The following CAPS2 variants were observed in gnomAD, a reference collection of about 807,000 sequenced individuals.
The protein encoded by CAPS2 is calcyphosin-2.
Under a neutral mutation model 86.5 loss-of-function variants are expected in CAPS2, and 98 were observed. That is an observed-to-expected ratio of 1.13 (90% CI 0.96 to 1.34). The LOEUF is 1.34. Ranked by LOEUF, CAPS2 falls within the 40% of genes most tolerant of loss-of-function variation. CAPS2 has a pLI of 0.00. For synonymous variants in CAPS2, 210 were observed against 225.1 expected (o/e 0.93, Z 0.60); for missense variants, 729 against 686.8 (o/e 1.06, Z -0.69).
chr12:75,378,552 T>G (rs1039093831), intron 1 of CAPS2, among the ~76,000 whole-genome samples: 3 of 151,750 alleles, frequency 2.0e-5, no homozygotes, highest in East Asian at 3.9e-4. Flanking sequence ...TAAGTGAGAG[T>G]TGCTGTTGCA....
intron 1 of CAPS2, among the ~76,000 whole-genome samples, chr12:75,388,124 G>A (rs2045385775): frequency 6.6e-6 from 1 of 152,096 alleles, no homozygotes; most frequent in South Asian, 2.1e-4. Context: ...GGTTTTTCCC[G>A]TGCTGTTCTC....
intron 1 of CAPS2, among the ~76,000 whole-genome samples, chr12:75,382,639 C>A (rs1187971520): frequency 5.6e-5 from 8 of 143,132 alleles, no homozygotes; most frequent in African/African-American, 5.2e-5. Context: ...GACTCCATCT[C>A]AAAAAAAAAA....
At chr12:75,290,504 T>G (rs944761996) in intron 13 of CAPS2, among the ~76,000 whole-genome samples, 13 of 152,170 alleles carry the variant, frequency 8.5e-5, no homozygotes, top group African/African-American at 3.1e-4. Context: ...TATAATAAAC[T>G]GTTTACACAC....
At chr12:75,314,067 A>C (rs2039501916) in intron 6 of CAPS2, among the ~76,000 whole-genome samples, 1 of 151,988 alleles carries the variant, frequency 6.6e-6, no homozygotes, top group African/African-American at 2.4e-5. Flanking sequence ...CTACAGGTGT[A>C]TGCCACCACG....
In CAPS2 at chr12:75,292,622, C is replaced by A. The variant is rs931853361; in HGVS notation, c.1163+627G>T. On this transcript the variant is annotated intron_variant, in intron 12 of 16. Coordinates refer to ENST00000393284, the Ensembl canonical transcript of CAPS2. ...TATACATATTATATATGTATCTATACATATTATGTATGTATAGATCTATAC... is the reference window on the plus strand; with the variant it reads ...TATACATATTATATATGTATCTATAAATATTATGTATGTATAGATCTATAC... 5.5e-5 allele frequency among the ~76,000 whole-genome samples: 8 copies of A among 144,988 alleles called. No homozygotes were observed. The Admixed American group carries it at 5.6e-4, about 10-fold the overall frequency.
At chr12:75,301,238 T>C (rs2037778463) in intron 8 of CAPS2, among the ~76,000 whole-genome samples, 1 of 152,190 alleles carries the variant, frequency 6.6e-6, no homozygotes, top group Non-Finnish European at 1.5e-5. Context: ...GGCAGTAATG[T>C]AATTAGTAAG....
intron 16 of CAPS2, among the ~76,000 whole-genome samples, chr12:75,281,924 T>C (rs1467800966): frequency 6.6e-6 from 1 of 152,134 alleles, no homozygotes; most frequent in Non-Finnish European, 1.5e-5. Context: ...TATAAGCAGA[T>C]ACAGTAAAAA....
intron 1 of CAPS2, among the ~76,000 whole-genome samples, chr12:75,359,353 TTG>T (rs1565995152): frequency 6.9e-6 from 1 of 145,548 alleles, no homozygotes. Flanking sequence ...CTCAGCATTG[TTG>T]TCTTTTTTTT....
At chr12:75,378,274 A>T (rs529052453) in intron 1 of CAPS2, among the ~76,000 whole-genome samples, 6 of 152,326 alleles carry the variant, frequency 3.9e-5, no homozygotes, top group African/African-American at 1.4e-4. Flanking sequence ...TGCTGTGATT[A>T]TAGGCATGAG....
At chr12:75,367,263 A>T (rs1202085243) in intron 1 of CAPS2, among the ~76,000 whole-genome samples, 1 of 103,368 alleles carries the variant, frequency 9.7e-6, no homozygotes, top group African/African-American at 4.6e-5. Context: ...ACAACTTCCT[A>T]GGAGGAAAAA....
chr12:75,304,120 C>A (rs11830494), intron 8 of CAPS2, among the ~76,000 whole-genome samples: 48 of 152,226 alleles, frequency 3.2e-4, no homozygotes, highest in African/African-American at 9.6e-4. Flanking sequence ...GAAACTAACA[C>A]ATAATGCTTC....
At chr12:75,286,192 T>C (rs568396233) in intron 14 of CAPS2, among the ~76,000 whole-genome samples, 49 of 152,104 alleles carry the variant, frequency 3.2e-4, no homozygotes, top group Middle Eastern at 3.4e-3. Context: ...TCCCTCCTAT[T>C]TTTTTCAAAT....
At chr12:75,277,187 G>A, downstream of CAPS2, 8 of 969,342 alleles carry the variant, frequency 8.3e-6, no homozygotes, top group Non-Finnish European at 9.7e-6. Context: ...ATGTTAACAC[G>A]TTACATTCCA....
At chr12:75,329,787 C>T (rs752707811), upstream of CAPS2, 5 of 1,497,670 alleles carry the variant, frequency 3.3e-6, no homozygotes, top group African/African-American at 7.0e-5. Flanking sequence ...CTCCTTTCAC[C>T]CCATCACTCC....
intron 1 of CAPS2, among the ~76,000 whole-genome samples, chr12:75,383,867 A>C (rs909617577): frequency 6.6e-6 from 1 of 152,190 alleles, no homozygotes; most frequent in Non-Finnish European, 1.5e-5. Flanking sequence ...TCAGTAACAG[A>C]ATGATAACCA....
intron 7 of CAPS2, chr12:75,305,868 G>A: frequency 1.3e-6 from 1 of 767,296 alleles, no homozygotes; most frequent in Non-Finnish European, 2.3e-6. Context: ...GGGATGCACC[G>A]CAGAGGCTGA....
intron 2 of CAPS2, among the ~76,000 whole-genome samples, chr12:75,324,270 A>G (rs948136432): frequency 2.0e-5 from 3 of 152,208 alleles, no homozygotes; most frequent in Admixed American, 1.3e-4. Flanking sequence ...GAGTTCAGCA[A>G]CAAAACAAAG....
intron 1 of CAPS2, among the ~76,000 whole-genome samples, chr12:75,340,238 A>G (rs1394626244): frequency 6.6e-6 from 1 of 151,422 alleles, no homozygotes; most frequent in Non-Finnish European, 1.5e-5. Flanking sequence ...TATTTTTAGA[A>G]CTGCAAATTG....
chr12:75,291,480 C>CAT (rs556770226), intron 13 of CAPS2, among the ~76,000 whole-genome samples: 870 of 18,534 alleles, frequency 0.047, 38 homozygotes, highest in Non-Finnish European at 0.057. Flanking sequence ...ACAATAAAAG[C>CAT]ATATATATAT....
Sources: gnomAD v4.1 joint callset for allele counts (sites outside exome capture counted in the v4.1 genomes callset) on GRCh38, gnomAD v4.1.1 for gene constraint, MANE v1.5 for transcripts, NCBI Gene and HGNC (gene_info 2026-07-23, HGNC 2026-07-21) for gene names.